The following TULP2 variants were observed in gnomAD, a reference collection of about 807,000 sequenced individuals.
The protein encoded by TULP2 is TUB like protein 2, also known as tubby-related protein 2.
In TULP2, 64 loss-of-function variants were observed where a neutral mutation model predicts 60.3. That is an observed-to-expected ratio of 1.06 (90% CI 0.87 to 1.31). The LOEUF (loss-of-function observed/expected upper bound fraction) is 1.31, where lower values mean the gene tolerates loss of function less well. Ranked by LOEUF, TULP2 falls within the 50% of genes most tolerant of loss-of-function variation. The pLI, the probability that TULP2 is intolerant of heterozygous loss-of-function variation, is 0.00. For synonymous variants in TULP2, 267 were observed against 265.4 expected (o/e 1.01, Z -0.06); for missense variants, 652 against 667.0 (o/e 0.98, Z 0.25).
At chr19:48,887,489 C>A (rs2037191934) in intron 8 of TULP2, among the ~76,000 whole-genome samples, 1 of 151,272 alleles carries the variant, frequency 6.6e-6, no homozygotes, top group African/African-American at 2.4e-5. Context: ...CATGCCCAAC[C>A]AATTTTGTAT....
At chr19:48,885,405 T>C (rs1242497200) in intron 9 of TULP2, 43 bp downstream of exon 9, 6 of 1,555,502 alleles carry the variant, frequency 3.9e-6, no homozygotes, top group Non-Finnish European at 5.3e-6. Flanking sequence ...GTCCCTAAGC[T>C]CCCTGCTACC....
At position 48,885,573 on chromosome 19, in the gene TULP2, GGAACAGTCCATTA is replaced by G. The variant is rs761519651; in HGVS notation, c.949-26_949-14del. On this transcript the variant is annotated splice_polypyrimidine_tract_variant and intron_variant, in intron 8 of 12. Coordinates refer to ENST00000221399, the MANE Select transcript of TULP2 (RefSeq NM_003323.3). ...CCAGGAGGAAGCGCTATGGATGAGA[GGAACAGTCCATTA>G]GAATGGACTTCTGGATGCTGGGTGT... 6.2e-7 allele frequency: 1 copy of G among 1,611,224 alleles called. No homozygotes were observed. The highest frequency in any genetic ancestry group is 1.1e-5 in the South Asian group (1 of 91,034).
intron 6 of TULP2, among the ~76,000 whole-genome samples, chr19:48,892,755 T>C (rs2037245458): frequency 6.6e-6 from 1 of 151,992 alleles, no homozygotes; most frequent in Non-Finnish European, 1.5e-5. Context: ...CCTCCCAAAG[T>C]GCTGGGATTA....
intron 6 of TULP2, among the ~76,000 whole-genome samples, chr19:48,893,352 A>G (rs2037250598): frequency 6.6e-6 from 1 of 151,150 alleles, no homozygotes; most frequent in Non-Finnish European, 1.5e-5. Flanking sequence ...CCTGGGAGAC[A>G]GAGCAAGACT....
chr19:48,891,158 C>T (rs943433741), intron 6 of TULP2, among the ~76,000 whole-genome samples: 2 of 113,422 alleles, frequency 1.8e-5, no homozygotes, highest in Admixed American at 9.3e-5. Context: ...ACTAAAAATA[C>T]AAAAAAAAAA....
chr19:48,895,093 TC>T lies in TULP2; in HGVS notation c.418del (p.Glu140ArgfsTer103). ...WLPDNSDAEL[E>X]EVSVENGSVS... ...GGAACCATTCTCCACGGAGACTTCCTCCAATTCTGCATCGGAATTGTCTGGG... is the reference window on the plus strand; with the variant it reads ...GGAACCATTCTCCACGGAGACTTCCTCAATTCTGCATCGGAATTGTCTGGG... On this transcript the variant is annotated frameshift_variant, in exon 6 of 13. Transcript: ENST00000221399. LOFTEE classifies it high-confidence loss of function. The T allele has an allele frequency of 6.2e-7, 1 of 1,614,034 alleles. No individual in the cohort carries two copies. Among genetic ancestry groups the T allele is most frequent in the Non-Finnish European group, 8.5e-7 (1 of 1,179,992 alleles).
intron 6 of TULP2, among the ~76,000 whole-genome samples, chr19:48,892,420 G>C (rs1279378948): frequency 6.6e-6 from 1 of 152,122 alleles, no homozygotes; most frequent in East Asian, 1.9e-4. Context: ...CTTAAAACTT[G>C]AGTCAATATA....
intron 9 of TULP2, among the ~76,000 whole-genome samples, chr19:48,884,871 C>A (rs1599979430): frequency 1.3e-5 from 2 of 150,398 alleles, no homozygotes; most frequent in Admixed American, 6.6e-5. Context: ...CTTTATGTAG[C>A]CTCCCTATTT....
At chr19:48,891,099 G>A (rs1309399335) in intron 6 of TULP2, among the ~76,000 whole-genome samples, 1 of 151,098 alleles carries the variant, frequency 6.6e-6, no homozygotes. Context: ...CGGATCACGA[G>A]GTCAGGAGAT....
chr19:48,897,774 C>A lies in TULP2; in HGVS notation c.32+63G>T. On this transcript the variant is annotated intron_variant, in intron 2 of 12. Coordinates refer to ENST00000221399, the MANE Select transcript of TULP2 (RefSeq NM_003323.3). The surrounding 1 kb of genome is among the most constrained non-coding windows in gnomAD (Gnocchi z 4.0). ...TGCAAACATGGTTATGAAGCCAGAG[C>A]CGAGTGCACGGGGTCCCCAGCCCTT... 4 of 1,556,212 alleles carry A rather than the reference C, an allele frequency of 2.6e-6. No homozygotes were observed. Among genetic ancestry groups the A allele is most frequent in the Non-Finnish European group, 1.8e-6 (2 of 1,128,312 alleles).
chr19:48,896,374 C>A, intron 4 of TULP2, 56 bp downstream of exon 4: 1 of 1,472,894 alleles, frequency 6.8e-7, no homozygotes. Flanking sequence ...GCCCCGCCCA[C>A]AGACTCCCAC....
intron 7 of TULP2, 105 bp from the exon 8 acceptor site, chr19:48,888,366 A>AT: frequency 8.4e-7 from 1 of 1,188,446 alleles, no homozygotes; most frequent in Non-Finnish European, 1.2e-6. Flanking sequence ...GCCCATCCAC[A>AT]TTTTCTGCTT....
chr19:48,889,647 G>A lies in TULP2; in HGVS notation c.515-16C>T, dbSNP rs1382101107. ...GCACGGGTCCCTAATGTGGGGAAAA[G>A]CAAGAGAGATCAGATTGTTACTGTG... On this transcript the variant is annotated splice_polypyrimidine_tract_variant and intron_variant, in intron 6 of 12. Coordinates refer to ENST00000221399, the MANE Select transcript of TULP2 (RefSeq NM_003323.3). The A allele has an allele frequency of 3.2e-6, 5 of 1,568,280 alleles. No individual in the cohort carries two copies. The highest frequency in any genetic ancestry group is 3.5e-4 in the Middle Eastern group (2 of 5,782).
Position 48,897,239 on chromosome 19 carries a change from A to G in TULP2, c.84+106T>C. On this transcript the variant is annotated intron_variant, in intron 3 of 12. Transcript: ENST00000221399. This position sits in a 1 kb window ranked among gnomAD's most constrained non-coding sequence, Gnocchi z 4.0. ...CAGTGGGAAAACTCAAGGATGAGAGACAGCCAACACGGGCTGGGAGTCCTA... is the reference window on the plus strand; with the variant it reads ...CAGTGGGAAAACTCAAGGATGAGAGGCAGCCAACACGGGCTGGGAGTCCTA... 8.0e-7 allele frequency: 1 copy of G among 1,255,658 alleles called. No individual in the cohort carries two copies. 77.8% of individuals were successfully genotyped at this position (1,255,658 alleles called of 1,614,324 possible).
intron 8 of TULP2, among the ~76,000 whole-genome samples, chr19:48,885,985 G>T (rs776422433): frequency 5.9e-5 from 9 of 151,998 alleles, no homozygotes; most frequent in Admixed American, 3.9e-4. Context: ...TGATAGAGGA[G>T]CCAGTGATGG....
chr19:48,886,445 G>C (rs1269984174), intron 8 of TULP2, among the ~76,000 whole-genome samples: 1 of 152,026 alleles, frequency 6.6e-6, no homozygotes, highest in Non-Finnish European at 1.5e-5. Context: ...GCCCAGGAAG[G>C]GTCTGGCTTT....
intron 11 of TULP2, 81 bp from the exon 12 acceptor site, chr19:48,882,284 AG>A (rs906462550): frequency 6.6e-7 from 1 of 1,505,484 alleles, no homozygotes; most frequent in African/African-American, 1.4e-5. Flanking sequence ...CATCTTGAAC[AG>A]GGGCGACTCC....
Position 48,882,100 on chromosome 19 carries a change from G to A in TULP2, c.1379C>T (p.Thr460Met), listed in dbSNP as rs770389218. The change falls in exon 12 of 13, where the codon ACG becomes ATG. Residue 460 changes from threonine (T) to methionine (M), a missense_variant. Thr to Met is a moderately conservative substitution (Grantham distance 81). Transcript: ENST00000221399. Reference protein sequence around the residue: ...PSWDKENGVYTLNFHGRVTRA... With the variant: ...PSWDKENGVYMLNFHGRVTRA... ...AGTGACTCGACCATGGAAATTGAGCGTGTAGACACCGTTCTCCTTGTCCCA... is the reference window on the plus strand; with the variant it reads ...AGTGACTCGACCATGGAAATTGAGCATGTAGACACCGTTCTCCTTGTCCCA... The A allele has an allele frequency of 6.8e-6, 11 of 1,614,218 alleles. No individual in the cohort carries two copies. Among genetic ancestry groups the A allele is most frequent in the Admixed American group, 1.7e-5 (1 of 60,008 alleles).
At position 48,888,382 on chromosome 19, in the gene TULP2, T is replaced by C. The variant is rs1030521917; in HGVS notation, c.637-121A>G. 1.5e-5 allele frequency: 15 copies of C among 999,124 alleles called. No individual in the cohort carries two copies. The East Asian group carries it at 2.4e-4, about 16-fold the overall frequency. 61.9% of individuals were successfully genotyped at this position (999,124 alleles called of 1,614,324 possible). A position where few individuals can be genotyped will look rare whatever the true frequency, so the allele number is the denominator to read the frequency against. ...CCCATCCACATTTTCTGCTTATTGG[T>C]CAAAAATCTCATTCAGTCCACCCAG... On this transcript the variant is annotated intron_variant, in intron 7 of 12. Transcript: ENST00000221399.
Sources: allele counts gnomAD v4.1 joint callset (sites outside exome capture counted in the v4.1 genomes callset), GRCh38; gene constraint gnomAD v4.1.1; non-coding constraint Gnocchi (gnomAD v3.1); transcripts MANE v1.5; gene names NCBI Gene and HGNC (gene_info 2026-07-23, HGNC 2026-07-21).